DHPS: variants seen among roughly 807,000 people sequenced by gnomAD.
DHPS encodes migration-inducing gene 13.
In DHPS, 24 loss-of-function variants were observed where a neutral mutation model predicts 38.7. The observed-to-expected ratio is 0.62, with a 90% CI of 0.45 to 0.87. The LOEUF is 0.87. Ranked by LOEUF, DHPS falls within the 40% of genes least tolerant of loss-of-function variation. The pLI, the probability that DHPS is intolerant of heterozygous loss-of-function variation, is 0.00. For missense variants in DHPS, 510 were observed against 497.6 expected, an observed-to-expected ratio of 1.02 and a Z score of -0.24; for synonymous variants, 250 against 204.4, an observed-to-expected ratio of 1.22 and a Z score of -1.90.
intron 5 of DHPS, among the ~76,000 whole-genome samples, chr19:12,678,640 G>T (rs2024693929): frequency 6.6e-6 from 1 of 151,682 alleles, no homozygotes; most frequent in Non-Finnish European, 1.5e-5. Flanking sequence ...ATGATGGTGG[G>T]TGCCTATAGT....
intron 5 of DHPS, 101 bp downstream of exon 5, chr19:12,679,356 G>A: frequency 8.7e-7 from 1 of 1,143,218 alleles, no homozygotes. Flanking sequence ...TAAGAGTGAG[G>A]ATGCTGAGAA....
downstream of DHPS, chr19:12,675,498 C>G (rs778318196): frequency 2.5e-6 from 4 of 1,598,440 alleles, no homozygotes; most frequent in South Asian, 3.3e-5. Flanking sequence ...CCACAGATAA[C>G]CACTCCCTAC....
chr19:12,673,003 C>G (rs752174235), downstream of DHPS: 13 of 1,612,600 alleles, frequency 8.1e-6, no homozygotes, highest in Non-Finnish European at 1.1e-5. Flanking sequence ...CACCCTTCCC[C>G]CAAGGCCCCA....
rs753246023 is a variant in DHPS at position 12,680,185 on chromosome 19, A to C, written c.348T>G (p.Ile116Met). Reference protein sequence around the residue: ...NLISSGIRETIRYLVQHNMVD... With the variant: ...NLISSGIRETMRYLVQHNMVD... ...CCATGTTGTGCTGCACAAGGTAGCGAATGGTCTCACGGATGCCTGAACTGA... is the reference window on the plus strand; with the variant it reads ...CCATGTTGTGCTGCACAAGGTAGCGCATGGTCTCACGGATGCCTGAACTGA... The change falls in exon 2 of 9, where the codon ATT becomes ATG. Residue 116 changes from isoleucine (I) to methionine (M), a missense_variant. Transcript: ENST00000210060. 1 of 1,614,198 alleles carries C rather than the reference A, an allele frequency of 6.2e-7. No homozygotes were observed. Among genetic ancestry groups the C allele is most frequent in the South Asian group, 1.1e-5 (1 of 91,088 alleles).
At chr19:12,673,943 A>T (rs920759016), downstream of DHPS, among the ~76,000 whole-genome samples, 1 of 151,804 alleles carries the variant, frequency 6.6e-6, no homozygotes, top group Non-Finnish European at 1.5e-5. Flanking sequence ...CAAGTGATTC[A>T]CCCGCCTCGG....
In DHPS at chr19:12,679,542, C is replaced by T. The variant is rs777754534; in HGVS notation, c.593G>A (p.Gly198Asp). The stretch of plus-strand genomic sequence containing the variant: ...CATCTTAGAAGGCGTCCACTTTACA[C>T]CCTAGGAGAGGATGTGACCTTCAGG... The part of the protein sequence containing the change: ...DQMVMEQNTE[G>D]VKWTPSKMIA... Residue 198 changes from glycine to aspartate, a missense_variant and splice_region_variant, in exon 5 of 9, where the codon GGT becomes GAT. Gly to Asp is a moderately conservative substitution (Grantham distance 94, BLOSUM62 -1). Transcript: ENST00000210060. The T allele has an allele frequency of 2.5e-6, 4 of 1,614,176 alleles. No homozygotes were observed. Among genetic ancestry groups the T allele is most frequent in the Non-Finnish European group, 3.4e-6 (4 of 1,180,012 alleles).
downstream of DHPS, among the ~76,000 whole-genome samples, chr19:12,673,902 GT>G (rs1252520442): frequency 6.6e-6 from 1 of 152,128 alleles, no homozygotes; most frequent in African/African-American, 2.4e-5. Flanking sequence ...GTTTCACCAT[GT>G]TGGCCAGGCT....
intron 2 of DHPS, 88 bp downstream of exon 2, chr19:12,680,073 C>G (rs771131720): frequency 6.4e-7 from 1 of 1,574,462 alleles, no homozygotes; most frequent in African/African-American, 1.4e-5. Flanking sequence ...TTATAACAGA[C>G]CCCTATCTGC....
downstream of DHPS, chr19:12,672,930 G>T (rs1210345184): frequency 3.8e-6 from 6 of 1,598,556 alleles, no homozygotes; most frequent in African/African-American, 1.3e-5. Flanking sequence ...TGTGGCTGGG[G>T]ATGTGGGACA....
At chr19:12,677,505 C>T (rs1476999113) in intron 5 of DHPS, 109 bp from the exon 6 acceptor site, 4 of 864,876 alleles carry the variant, frequency 4.6e-6, no homozygotes, top group Non-Finnish European at 7.3e-6. Context: ...AGGACTGTTT[C>T]CTCAATTATA....
chr19:12,680,535 CTTT>C (rs869197999), intron 1 of DHPS, among the ~76,000 whole-genome samples: 4 of 140,078 alleles, frequency 2.9e-5, no homozygotes, highest in Non-Finnish European at 3.1e-5. Context: ...TGCCCCCACC[CTTT>C]TTTTTTTTTT....
intron 5 of DHPS, among the ~76,000 whole-genome samples, chr19:12,678,147 G>A (rs924969793): frequency 6.6e-6 from 1 of 151,630 alleles, no homozygotes; most frequent in East Asian, 2.0e-4. Flanking sequence ...AGCTACTTGG[G>A]AACTTGATGC....
Position 12,676,154 on chromosome 19 carries a change from C to T in DHPS, c.889-12G>A, listed in dbSNP as rs375702709. 1.6e-5 allele frequency: 26 copies of T among 1,598,258 alleles called. No homozygotes were observed. The highest frequency in any genetic ancestry group is 1.4e-4 in the African/African-American group (10 of 73,986). ...TCGGCCCCGTTCCGCTGTGGGGAGG[C>T]GGGGGCACGGTGGGCCCAGTCAGCC... On this transcript the variant is annotated splice_polypyrimidine_tract_variant and intron_variant, in intron 7 of 8. Transcript: ENST00000210060.
intron 2 of DHPS, 104 bp from the exon 3 acceptor site, chr19:12,680,026 C>T (rs1406215674): frequency 6.4e-7 from 1 of 1,555,712 alleles, no homozygotes; most frequent in South Asian, 1.2e-5. Flanking sequence ...TATGAGGGAG[C>T]TCTGCTACAA....
Position 12,675,761 on chromosome 19 carries a change from C to T in DHPS, c.*77G>A. The T allele has an allele frequency of 1.9e-6, 3 of 1,563,454 alleles. No individual in the cohort carries two copies. Among genetic ancestry groups the T allele is most frequent in the Non-Finnish European group, 2.6e-6 (3 of 1,153,954 alleles). ...ATCTTATTCTAGAGACGTAGCTGAC[C>T]AAAAAGTAGGGGAGGGGCTGGGTCT... On this transcript the variant is annotated 3_prime_UTR_variant, in exon 9 of 9. Transcript: ENST00000210060.
In DHPS at chr19:12,679,366, A is replaced by G. The variant is rs2024721423; in HGVS notation, c.678+91T>C. On this transcript the variant is annotated intron_variant, in intron 5 of 8. Transcript: ENST00000210060. ...TCATCTAAGAGTGAGGATGCTGAGAATAACAGTACTGAATCCCCAGGAGGC... is the reference window on the plus strand; with the variant it reads ...TCATCTAAGAGTGAGGATGCTGAGAGTAACAGTACTGAATCCCCAGGAGGC... 5 of 1,216,996 alleles carry G rather than the reference A, an allele frequency of 4.1e-6. No homozygotes were observed. The South Asian group carries it at 4.9e-5, about 12-fold the overall frequency. 75.4% of individuals were successfully genotyped at this position (1,216,996 alleles called of 1,614,324 possible).
At position 12,678,019 on chromosome 19, in the gene DHPS, G is replaced by A. The variant is rs189570146; in HGVS notation, c.679-623C>T. On this transcript the variant is annotated intron_variant, in intron 5 of 8. Coordinates refer to ENST00000210060, the MANE Select transcript of DHPS (RefSeq NM_001930.4). ...TGTAATCCCAGCACTTTGGGAGGCCGAGGCGGGTGGATCACCTGAGGTCAG... is the reference window on the plus strand; with the variant it reads ...TGTAATCCCAGCACTTTGGGAGGCCAAGGCGGGTGGATCACCTGAGGTCAG... Among the ~76,000 whole-genome samples, 1,007 of 149,682 alleles carry A rather than the reference G, an allele frequency of 6.7e-3. 8 individuals are homozygous for A. The highest frequency in any genetic ancestry group is 9.9e-3 in the Non-Finnish European group (663 of 67,002).
At chr19:12,674,130 C>T (rs573388588), downstream of DHPS, among the ~76,000 whole-genome samples, 34 of 152,148 alleles carry the variant, frequency 2.2e-4, no homozygotes, top group Non-Finnish European at 4.4e-4. Flanking sequence ...CGGCAAGATC[C>T]GGGGTCAGGC....
In DHPS at chr19:12,679,452, C is replaced by T; in HGVS notation, c.678+5G>A. The T allele has an allele frequency of 6.2e-7, 1 of 1,614,130 alleles. No homozygotes were observed. Among genetic ancestry groups the T allele is most frequent in the Non-Finnish European group, 8.5e-7 (1 of 1,179,980 alleles). ...TGGCTACTTTGCTCCCGCTTAGGTC[C>T]TCACCTTCTGGGCCCAGTAATACAC... On this transcript the variant is annotated splice_donor_5th_base_variant and intron_variant, in intron 5 of 8. Coordinates refer to ENST00000210060, the MANE Select transcript of DHPS (RefSeq NM_001930.4).
Sources: gnomAD v4.1 joint callset for allele counts (sites outside exome capture counted in the v4.1 genomes callset) on GRCh38, gnomAD v4.1.1 for gene constraint, MANE v1.5 for transcripts, NCBI Gene and HGNC (gene_info 2026-07-23, HGNC 2026-07-21) for gene names.